Variants in PTPRE observed in about 807,000 individuals in gnomAD.
PTPRE encodes protein tyrosine phosphatase receptor type E, also known as receptor-type tyrosine-protein phosphatase epsilon.
Under a neutral mutation model 102.0 loss-of-function variants are expected in PTPRE, and 51 were observed. The observed-to-expected ratio is 0.50, with a 90% CI of 0.40 to 0.63. The LOEUF is 0.63. PTPRE is among the 30% of genes least tolerant of loss of function. The pLI, the probability that PTPRE is intolerant of heterozygous loss-of-function variation, is 0.00. For synonymous variants in PTPRE, 345 were observed against 348.2 expected, an observed-to-expected ratio of 0.99 and a Z score of 0.10; for missense variants, 752 against 915.1, an observed-to-expected ratio of 0.82 and a Z score of 2.30.
In PTPRE at chr10:128,028,536, C is replaced by G. The variant is rs1003570388; in HGVS notation, c.-7-12339C>G. Among the ~76,000 whole-genome samples, 2 of 152,144 alleles carry G rather than the reference C, an allele frequency of 1.3e-5. No individual in the cohort carries two copies. Among genetic ancestry groups the G allele is most frequent in the Non-Finnish European group, 2.9e-5 (2 of 68,022 alleles). On this transcript the variant is annotated intron_variant, in intron 2 of 20. Coordinates refer to ENST00000254667, the MANE Select transcript of PTPRE (RefSeq NM_006504.6). The surrounding 1 kb of genome is among the most constrained non-coding windows in gnomAD (Gnocchi z 4.5). ...GCACACCTGGCCCTGGCTCAGCCCC[C>G]CAATGTGGACAGGTTGCAGAAGGCC...
At chr10:127,953,937 C>G (rs1482573893) in intron 1 of PTPRE, among the ~76,000 whole-genome samples, 1 of 152,132 alleles carries the variant, frequency 6.6e-6, no homozygotes, top group African/African-American at 2.4e-5. Context: ...GCCAGAAGGT[C>G]AGGGACTTGG....
chr10:127,978,260 T>TGG (rs1049936590), intron 1 of PTPRE, among the ~76,000 whole-genome samples: 5 of 151,436 alleles, frequency 3.3e-5, no homozygotes, highest in Non-Finnish European at 2.9e-5. Flanking sequence ...CAGACAAGCC[T>TGG]GGGTATAGTG....
chr10:128,030,979 C>A (rs953958186), intron 2 of PTPRE, among the ~76,000 whole-genome samples: 3 of 152,230 alleles, frequency 2.0e-5, no homozygotes, highest in Non-Finnish European at 2.9e-5. Context: ...TTATTGAAGT[C>A]TTTTCTCTCT....
At chr10:128,022,317 G>A (rs1443393493) in intron 2 of PTPRE, among the ~76,000 whole-genome samples, 3 of 152,200 alleles carry the variant, frequency 2.0e-5, no homozygotes, top group Non-Finnish European at 2.9e-5. Flanking sequence ...AACAAGGCAG[G>A]GCCAGGGCTG....
intron 3 of PTPRE, among the ~76,000 whole-genome samples, chr10:128,044,681 C>T (rs1847948764): frequency 6.6e-6 from 1 of 152,148 alleles, no homozygotes; most frequent in African/African-American, 2.4e-5. Flanking sequence ...GATGACCACC[C>T]TGGGGACTGG....
In PTPRE at chr10:127,957,892, T is replaced by C. The variant is rs933509019; in HGVS notation, c.-30-24382T>C. Among the ~76,000 whole-genome samples, 9 of 152,364 alleles carry C rather than the reference T, an allele frequency of 5.9e-5. No individual in the cohort carries two copies. The South Asian group carries it at 1.9e-3, about 32-fold the overall frequency. On this transcript the variant is annotated intron_variant, in intron 1 of 20. Coordinates refer to ENST00000254667, the MANE Select transcript of PTPRE (RefSeq NM_006504.6). ...GATTTCTTTCATCAGAGTTTTAATATAGATCTTGTACATATTTTGTTAGGT... is the reference window on the plus strand; with the variant it reads ...GATTTCTTTCATCAGAGTTTTAATACAGATCTTGTACATATTTTGTTAGGT...
chr10:128,021,061 AT>A (rs1307969259), intron 2 of PTPRE, among the ~76,000 whole-genome samples: 1 of 151,694 alleles, frequency 6.6e-6, no homozygotes, highest in Admixed American at 6.6e-5. Flanking sequence ...CACCCGGCTA[AT>A]TTTTTTGTAT....
chr10:127,973,329 C>G (rs1007477268), intron 1 of PTPRE, among the ~76,000 whole-genome samples: 3 of 152,116 alleles, frequency 2.0e-5, no homozygotes, highest in African/African-American at 7.2e-5. Context: ...ATTATGAGCT[C>G]TATTTTAAAT....
intron 2 of PTPRE, among the ~76,000 whole-genome samples, chr10:128,015,567 C>T (rs896915619): frequency 2.6e-5 from 4 of 152,078 alleles, no homozygotes; most frequent in Admixed American, 6.6e-5. Flanking sequence ...GGGGTTTCAC[C>T]GTGTTAGCCA....
intron 1 of PTPRE, among the ~76,000 whole-genome samples, chr10:127,964,175 T>C (rs1231596022): frequency 6.6e-6 from 1 of 152,128 alleles, no homozygotes; most frequent in Admixed American, 6.5e-5. Flanking sequence ...TGTTTATTTA[T>C]TTATTTATTT....
intron 1 of PTPRE, among the ~76,000 whole-genome samples, chr10:127,927,271 G>A (rs184282271): frequency 2.0e-4 from 31 of 152,170 alleles, no homozygotes; most frequent in African/African-American, 7.5e-4. Flanking sequence ...TGTCTAACTC[G>A]GCTACTTTTT....
chr10:127,994,974 G>A (rs1667269405), intron 2 of PTPRE, among the ~76,000 whole-genome samples: 5 of 152,204 alleles, frequency 3.3e-5, no homozygotes, highest in Admixed American at 2.0e-4. Flanking sequence ...GTCTTGAAAA[G>A]GGATTTTGTT....
At chr10:128,064,785 T>C (rs1849914047) in intron 10 of PTPRE, among the ~76,000 whole-genome samples, 1 of 152,220 alleles carries the variant, frequency 6.6e-6, no homozygotes, top group Non-Finnish European at 1.5e-5. Context: ...CATTTCTCAA[T>C]AGAGTTCCCT....
At chr10:127,989,249 G>T (rs1852398105) in intron 2 of PTPRE, among the ~76,000 whole-genome samples, 1 of 152,056 alleles carries the variant, frequency 6.6e-6, no homozygotes, top group Admixed American at 6.6e-5. Context: ...TTGCTGCTGA[G>T]AAATGAATTT....
intron 9 of PTPRE, 129 bp downstream of exon 9, chr10:128,061,844 G>C: frequency 8.9e-7 from 1 of 1,128,736 alleles, no homozygotes; most frequent in Non-Finnish European, 1.2e-6. Flanking sequence ...TAACAGACAC[G>C]TTAGATATCC....
chr10:128,060,081 TACACAC>T (rs59000055), intron 7 of PTPRE, among the ~76,000 whole-genome samples: 13,724 of 145,812 alleles, frequency 0.094, 794 homozygotes, highest in African/African-American at 0.16. Flanking sequence ...TACCACACAC[TACACAC>T]ACACACACAC....
At chr10:128,038,923 C>T (rs1020783868) in intron 2 of PTPRE, among the ~76,000 whole-genome samples, 1 of 152,140 alleles carries the variant, frequency 6.6e-6, no homozygotes, top group African/African-American at 2.4e-5. Flanking sequence ...CTGTGGCTCT[C>T]CTGAGCACTT....
chr10:127,984,842 C>A (rs1851949029), intron 2 of PTPRE, among the ~76,000 whole-genome samples: 1 of 152,158 alleles, frequency 6.6e-6, no homozygotes, highest in Admixed American at 6.5e-5. Flanking sequence ...GTCCGATAGG[C>A]CTCTTTCTTT....
chr10:127,969,874 A>G (rs760612815), intron 1 of PTPRE, among the ~76,000 whole-genome samples: 3 of 151,922 alleles, frequency 2.0e-5, no homozygotes, highest in African/African-American at 7.3e-5. Flanking sequence ...TTGGTTCTGG[A>G]GCATCCGTGG....
Sources: gnomAD v4.1 joint callset for allele counts (sites outside exome capture counted in the v4.1 genomes callset) on GRCh38, gnomAD v4.1.1 for gene constraint, Gnocchi (gnomAD v3.1) non-coding constraint, MANE v1.5 for transcripts, NCBI Gene and HGNC (gene_info 2026-07-23, HGNC 2026-07-21) for gene names.